The following MYLK variants were observed in gnomAD, a reference collection of about 807,000 sequenced individuals.
MYLK encodes myosin light chain kinase, also known as myosin light chain kinase, smooth muscle.
MYLK carries 106 observed loss-of-function variants against 203.4 expected under a neutral mutation model. The observed-to-expected ratio is 0.52, with a 90% confidence interval of 0.45 to 0.61. MYLK has a LOEUF of 0.61. Ranked by LOEUF, MYLK falls within the 20% of genes least tolerant of loss-of-function variation. The probability of loss-of-function intolerance (pLI) is 0.00; values close to 1 mark genes in which losing one functional copy is unlikely to be tolerated. For synonymous variants in MYLK, 867 were observed against 959.5 expected, an observed-to-expected ratio of 0.90 and a Z score of 1.78; for missense variants, 2,072 against 2,442.3, an observed-to-expected ratio of 0.85 and a Z score of 3.20.
At chr3:123,674,764 G>C (rs1560053658) in intron 20 of MYLK, among the ~76,000 whole-genome samples, 1 of 152,198 alleles carries the variant, frequency 6.6e-6, no homozygotes, top group Non-Finnish European at 1.5e-5. Context: ...CACATGCTGG[G>C]CCCTCTTCTC....
intron 20 of MYLK, among the ~76,000 whole-genome samples, chr3:123,670,676 G>A (rs1464402284): frequency 1.3e-5 from 2 of 152,000 alleles, no homozygotes; most frequent in East Asian, 1.9e-4. Flanking sequence ...CCAGGAGTTC[G>A]AGGTTACAGT....
At chr3:123,638,316 A>C (rs2058717386) in intron 28 of MYLK, 122 bp from the exon 29 acceptor site, 1 of 1,409,706 alleles carries the variant, frequency 7.1e-7, no homozygotes, top group East Asian at 2.4e-5. Context: ...GCTTTGGCAC[A>C]GAGAACAGGC....
At chr3:123,881,384 T>C (rs2148731584) in intron 1 of MYLK, among the ~76,000 whole-genome samples, 1 of 152,308 alleles carries the variant, frequency 6.6e-6, no homozygotes, top group Non-Finnish European at 1.5e-5. Context: ...CATTGTCTTT[T>C]GTTGGGAAAG....
chr3:123,747,212 C>T (rs2063046286), intron 5 of MYLK, among the ~76,000 whole-genome samples: 1 of 152,188 alleles, frequency 6.6e-6, no homozygotes, highest in African/African-American at 2.4e-5. Context: ...ACCAGAGCTG[C>T]CTTAGTGGTC....
intron 4 of MYLK, among the ~76,000 whole-genome samples, chr3:123,771,185 G>C (rs559975223): frequency 1.2e-3 from 189 of 152,334 alleles, no homozygotes; most frequent in Non-Finnish European, 1.9e-3. Context: ...TGTGGATCCA[G>C]AACTTTCTCA....
intron 4 of MYLK, among the ~76,000 whole-genome samples, chr3:123,793,173 G>C (rs2064849324): frequency 6.6e-6 from 1 of 152,184 alleles, no homozygotes; most frequent in Admixed American, 6.5e-5. Flanking sequence ...GTAACGGCAA[G>C]TGACCAGTAT....
chr3:123,732,150 T>C (rs567712037), intron 11 of MYLK, among the ~76,000 whole-genome samples: 26 of 152,364 alleles, frequency 1.7e-4, no homozygotes, highest in African/African-American at 6.3e-4. Flanking sequence ...GGCTTACATA[T>C]GCATTTAGAG....
At chr3:123,670,125 A>AT (rs1330130937) in intron 20 of MYLK, among the ~76,000 whole-genome samples, 1 of 151,568 alleles carries the variant, frequency 6.6e-6, no homozygotes, top group Non-Finnish European at 1.5e-5. Flanking sequence ...TTTTCATGCT[A>AT]TTTTTACAAT....
chr3:123,698,165 C>A (rs1176763773), intron 18 of MYLK, among the ~76,000 whole-genome samples: 1 of 152,186 alleles, frequency 6.6e-6, no homozygotes, highest in Non-Finnish European at 1.5e-5. Context: ...ACCTCAGTTT[C>A]CCTGAGGCTG....
intron 3 of MYLK, chr3:123,831,313 C>T: frequency 2.5e-6 from 3 of 1,212,926 alleles, no homozygotes; most frequent in Middle Eastern, 2.2e-4. Context: ...TGATGATTTC[C>T]ACCACCTTCG....
chr3:123,709,634 C>T (rs2108650580), intron 14 of MYLK, 122 bp downstream of exon 14: 15 of 1,298,602 alleles, frequency 1.2e-5, no homozygotes, highest in Non-Finnish European at 1.7e-5. Context: ...GGGTCCATCA[C>T]CTGATGGTCC....
chr3:123,842,433 T>G (rs1189226244), intron 2 of MYLK, among the ~76,000 whole-genome samples: 1 of 152,154 alleles, frequency 6.6e-6, no homozygotes, highest in Non-Finnish European at 1.5e-5. Context: ...ATCTCACAAT[T>G]ATTTGTGTGA....
At chr3:123,841,627 T>TACCATCATATTTCTAGCC (rs1300191383) in intron 2 of MYLK, among the ~76,000 whole-genome samples, 1 of 152,120 alleles carries the variant, frequency 6.6e-6, no homozygotes, top group Non-Finnish European at 1.5e-5. Flanking sequence ...CTTTTCTAGC[T>TACCATCATATTTCTAGCC]ACCATCATAT....
At chr3:123,713,869 C>A (rs1307388732) in intron 13 of MYLK, among the ~76,000 whole-genome samples, 1 of 152,112 alleles carries the variant, frequency 6.6e-6, no homozygotes, top group African/African-American at 2.4e-5. Flanking sequence ...ATGTCTGCAT[C>A]ATCAGTCTAA....
At chr3:123,784,431 AT>A (rs1433934848) in intron 4 of MYLK, among the ~76,000 whole-genome samples, 1 of 125,350 alleles carries the variant, frequency 8.0e-6, no homozygotes, top group Non-Finnish European at 1.6e-5. Context: ...TTTAAGTCAC[AT>A]ACTTAAACCT....
chr3:123,855,238 C>T (rs1233605601), intron 2 of MYLK, among the ~76,000 whole-genome samples: 16 of 152,000 alleles, frequency 1.1e-4, no homozygotes, highest in African/African-American at 3.9e-4. Context: ...ATGTTGAAGC[C>T]TGTCATTTAC....
intron 21 of MYLK, 112 bp from the exon 22 acceptor site, chr3:123,666,458 C>A (rs1428863701): frequency 1.4e-6 from 2 of 1,478,178 alleles, no homozygotes; most frequent in Non-Finnish European, 1.8e-6. Context: ...GCTTCCGGAA[C>A]CTTCAGGGTA....
intron 11 of MYLK, among the ~76,000 whole-genome samples, chr3:123,727,969 C>T (rs1466666691): frequency 6.6e-6 from 1 of 152,112 alleles, no homozygotes; most frequent in Admixed American, 6.5e-5. Context: ...CATCAGATGA[C>T]CTGCTTCATG....
chr3:123,771,557 G>C (rs373881641), intron 4 of MYLK, among the ~76,000 whole-genome samples: 1 of 152,180 alleles, frequency 6.6e-6, no homozygotes, highest in South Asian at 2.1e-4. Context: ...TTGATTTTGC[G>C]AGTTGAATGA....
Sources: allele counts gnomAD v4.1 joint callset (sites outside exome capture counted in the v4.1 genomes callset), GRCh38; gene constraint gnomAD v4.1.1; transcripts MANE v1.5; gene names NCBI Gene and HGNC (gene_info 2026-07-23, HGNC 2026-07-21).